SLC1A2: variants seen among roughly 807,000 people sequenced by gnomAD.
The protein encoded by SLC1A2 is solute carrier family 1 member 2, also known as excitatory amino acid transporter 2.
SLC1A2 carries 15 observed loss-of-function variants against 48.8 expected under a neutral mutation model. The observed-to-expected ratio is 0.31, with a 90% confidence interval of 0.21 to 0.47. SLC1A2 has a LOEUF of 0.47. SLC1A2 is among the 20% of genes least tolerant of loss of function. SLC1A2 has a pLI of 0.99. For synonymous variants in SLC1A2, 279 were observed against 272.6 expected (o/e 1.02, Z -0.23); for missense variants, 502 against 730.5 (o/e 0.69, Z 3.61).
At chr11:35,399,020 C>T (rs1855060692) in intron 1 of SLC1A2, among the ~76,000 whole-genome samples, 1 of 152,182 alleles carries the variant, frequency 6.6e-6, no homozygotes, top group Non-Finnish European at 1.5e-5. Context: ...CTGCCTATGG[C>T]TGGGTCATTA....
intron 9 of SLC1A2, among the ~76,000 whole-genome samples, chr11:35,275,850 C>T: frequency 6.6e-6 from 1 of 152,100 alleles, no homozygotes; most frequent in East Asian, 1.9e-4. Context: ...CAGTTGCACC[C>T]CATCTCATCT....
chr11:35,386,923 C>T (rs1333132461), intron 1 of SLC1A2, among the ~76,000 whole-genome samples: 1 of 152,132 alleles, frequency 6.6e-6, no homozygotes, highest in Non-Finnish European at 1.5e-5. Context: ...CAAAAATTTA[C>T]ATCTTTTTTC....
intron 1 of SLC1A2, chr11:35,322,459 C>A: frequency 1.5e-6 from 1 of 683,234 alleles, no homozygotes; most frequent in Non-Finnish European, 2.5e-6. Flanking sequence ...TTTCCACCTT[C>A]ACTGATTTGA....
intron 2 of SLC1A2, 159 bp downstream of exon 2, chr11:35,317,218 A>C: frequency 1.5e-6 from 1 of 654,096 alleles, no homozygotes; most frequent in South Asian, 2.2e-5. Context: ...GGAGGTAAGG[A>C]GGAAAATTAT....
chr11:35,326,449 G>C (rs1396043584), intron 1 of SLC1A2, among the ~76,000 whole-genome samples: 1 of 152,326 alleles, frequency 6.6e-6, no homozygotes, highest in African/African-American at 2.4e-5. Flanking sequence ...GGAGTGACTG[G>C]GATGTTGACT....
At chr11:35,389,973 G>A (rs1306710766) in intron 1 of SLC1A2, among the ~76,000 whole-genome samples, 1 of 152,138 alleles carries the variant, frequency 6.6e-6, no homozygotes, top group Non-Finnish European at 1.5e-5. Flanking sequence ...TGTAAAATGA[G>A]CATGCTTTAA....
At chr11:35,263,508 G>T (rs142396702) in intron 10 of SLC1A2, among the ~76,000 whole-genome samples, 5 of 152,062 alleles carry the variant, frequency 3.3e-5, no homozygotes, top group Non-Finnish European at 7.4e-5. Context: ...TCAGGTGCTT[G>T]ATGTCCTTCA....
At chr11:35,271,334 T>G (rs1264087077) in intron 9 of SLC1A2, among the ~76,000 whole-genome samples, 1 of 152,046 alleles carries the variant, frequency 6.6e-6, no homozygotes, top group Non-Finnish European at 1.5e-5. Flanking sequence ...ATAGGACTCA[T>G]CCCATAGAGA....
chr11:35,409,138 A>G (rs1028982170), intron 1 of SLC1A2, among the ~76,000 whole-genome samples: 1 of 152,230 alleles, frequency 6.6e-6, no homozygotes, highest in Non-Finnish European at 1.5e-5. Flanking sequence ...TGTGTACAAA[A>G]GTGTTCTTTC....
At chr11:35,401,887 G>A (rs1855150126) in intron 1 of SLC1A2, among the ~76,000 whole-genome samples, 1 of 152,120 alleles carries the variant, frequency 6.6e-6, no homozygotes, top group Non-Finnish European at 1.5e-5. Context: ...CTACTTCCAA[G>A]GCTCGGGCCC....
In SLC1A2 at chr11:35,317,507, A is replaced by T; in HGVS notation, c.27T>A (p.Asn9Lys). 1 of 1,613,584 alleles carries T rather than the reference A, an allele frequency of 6.2e-7. No individual in the cohort carries two copies. The highest frequency in any genetic ancestry group is 8.5e-7 in the Non-Finnish European group (1 of 1,179,928). MASTEGAN[N>K]MPKQVEVRMH... ...TTCGCACTTCCACCTGCTTGGGCAT[A>T]TTGTTGGCACTGGAACAGAAGTGAA... Residue 9 changes from asparagine (N) to lysine (K), a missense_variant, in exon 2 of 11, where the codon AAT (asparagine) becomes AAA (lysine). By Grantham distance (94) the Asn-to-Lys change is moderately conservative. Coordinates refer to ENST00000278379, the MANE Select transcript of SLC1A2 (RefSeq NM_004171.4).
chr11:35,334,528 G>A (rs1325114213), intron 1 of SLC1A2, among the ~76,000 whole-genome samples: 1 of 152,214 alleles, frequency 6.6e-6, no homozygotes, highest in African/African-American at 2.4e-5. Context: ...AAAAGCAAGT[G>A]ATGCGTCATC....
chr11:35,399,424 C>A (rs1465074255), intron 1 of SLC1A2, among the ~76,000 whole-genome samples: 1 of 152,182 alleles, frequency 6.6e-6, no homozygotes, highest in Non-Finnish European at 1.5e-5. Flanking sequence ...AAAAGATTTC[C>A]TGTTCTCCAT....
chr11:35,329,304 A>T (rs987714941), intron 1 of SLC1A2, among the ~76,000 whole-genome samples: 9 of 152,214 alleles, frequency 5.9e-5, no homozygotes, highest in Non-Finnish European at 8.8e-5. Context: ...ATCATCATAC[A>T]TTTGTCCAAA....
chr11:35,344,560 A>T (rs756416019), intron 1 of SLC1A2, among the ~76,000 whole-genome samples: 4 of 152,068 alleles, frequency 2.6e-5, no homozygotes, highest in Non-Finnish European at 5.9e-5. Context: ...ACAATTTCAG[A>T]CCCCGGAAGA....
At chr11:35,377,695 C>T (rs1011665968) in intron 1 of SLC1A2, among the ~76,000 whole-genome samples, 5 of 152,216 alleles carry the variant, frequency 3.3e-5, no homozygotes, top group Non-Finnish European at 5.9e-5. Flanking sequence ...CTCCCAACAA[C>T]CCCTAAAAAG....
At chr11:35,272,412 A>G (rs1356933065) in intron 9 of SLC1A2, among the ~76,000 whole-genome samples, 1 of 151,926 alleles carries the variant, frequency 6.6e-6, no homozygotes, top group African/African-American at 2.4e-5. Context: ...CTCTGCCACA[A>G]GGCATTCTGG....
At chr11:35,280,076 C>T (rs1051394532) in intron 9 of SLC1A2, among the ~76,000 whole-genome samples, 1 of 152,198 alleles carries the variant, frequency 6.6e-6, no homozygotes, top group Non-Finnish European at 1.5e-5. Flanking sequence ...TGGAACATTT[C>T]TGTCACTCCC....
In SLC1A2 at chr11:35,280,847, C is replaced by T. The variant is rs1291591234; in HGVS notation, c.1421+20G>A. The stretch of plus-strand genomic sequence containing the variant: ...GGCAGTACTCACAGTCCCAGCAGAA[C>T]CCCATCCACAGACACTTACAGCAGC... On this transcript the variant is annotated intron_variant, in intron 9 of 10. Coordinates refer to ENST00000278379, the MANE Select transcript of SLC1A2 (RefSeq NM_004171.4). 8.9e-6 allele frequency: 14 copies of T among 1,568,734 alleles called. No homozygotes were observed. The highest frequency in any genetic ancestry group is 1.2e-5 in the Non-Finnish European group (14 of 1,149,644).
Sources: gnomAD v4.1 joint callset for allele counts (sites outside exome capture counted in the v4.1 genomes callset) on GRCh38, gnomAD v4.1.1 for gene constraint, MANE v1.5 for transcripts, NCBI Gene and HGNC (gene_info 2026-07-23, HGNC 2026-07-21) for gene names.